RNF122: variants seen among roughly 807,000 people sequenced by gnomAD.
The protein encoded by RNF122 is ring finger protein 122.
Under a neutral mutation model 24.2 loss-of-function variants are expected in RNF122, and 17 were observed. The observed-to-expected ratio is 0.70, with a 90% confidence interval of 0.48 to 1.06. The LOEUF (loss-of-function observed/expected upper bound fraction) is 1.06. RNF122 is among the 50% of genes least tolerant of loss of function. The pLI, the probability that RNF122 is intolerant of heterozygous loss-of-function variation, is 0.00. For missense variants in RNF122, 168 were observed against 198.1 expected (o/e 0.85, Z 0.91); for synonymous variants, 65 against 71.8 (o/e 0.91, Z 0.48).
chr8:33,548,574 T>TG lies in RNF122; in HGVS notation c.*178dup. On this transcript the variant is annotated 3_prime_UTR_variant, in exon 6 of 6. Coordinates refer to ENST00000256257, the MANE Select transcript of RNF122 (RefSeq NM_024787.3). ...GAAGAAGGCTTCAGGAGGCAGGAAG[T>TG]GGGGGCACATCTGGCACTGGTCTTG... The TG allele has an allele frequency of 1.9e-6, 1 of 529,180 alleles. No homozygotes were observed. The highest frequency in any genetic ancestry group is 3.4e-6 in the Non-Finnish European group (1 of 292,310). The allele number at this position is 529,180 out of a possible 1,614,324, so 32.8% of individuals were successfully genotyped here. A position where few individuals can be genotyped will look rare whatever the true frequency, so the allele number is the denominator to read the frequency against.
intron 4 of RNF122, 97 bp downstream of exon 4, chr8:33,550,947 A>C: frequency 2.7e-6 from 3 of 1,124,886 alleles, no homozygotes; most frequent in Non-Finnish European, 4.1e-6. Context: ...GCATGGACTA[A>C]GCAGTTTTCT....
In RNF122 at chr8:33,566,391, G is replaced by A. The variant is rs146637865; in HGVS notation, c.25+308C>T. Among the ~76,000 whole-genome samples the A allele has an allele frequency of 4.6e-5, 7 of 152,300 alleles. No homozygotes were observed. The East Asian group carries it at 1.4e-3, about 29-fold the overall frequency. Reference sequence around the variant, plus strand: ...CCACAACAAAGAACAGAGTTTGAGCGCACAAAGGCAGGGGAAGGGGGTAGA... The same window carrying A: ...CCACAACAAAGAACAGAGTTTGAGCACACAAAGGCAGGGGAAGGGGGTAGA... On this transcript the variant is annotated intron_variant, in intron 1 of 5. Coordinates refer to ENST00000256257, the MANE Select transcript of RNF122 (RefSeq NM_024787.3).
At chr8:33,549,221 C>CAAAAAAAAAAAAAAAAAA (rs377477701) in intron 5 of RNF122, among the ~76,000 whole-genome samples, 189 bp downstream of exon 5, 1 of 141,782 alleles carries the variant, frequency 7.1e-6, no homozygotes, top group Admixed American at 6.9e-5. Context: ...AACTCCAACT[C>CAAAAAAAAAAAAAAAAAA]AAAAAAAAAA....
chr8:33,557,885 G>A lies in RNF122; in HGVS notation c.182+730C>T, dbSNP rs374835324. The stretch of plus-strand genomic sequence containing the variant: ...CGCCCGGGTGTGGTGACTCATGCCT[G>A]CAATCCTAGCATTTTGGGAAGCTGA... On this transcript the variant is annotated intron_variant, in intron 2 of 5. Coordinates refer to ENST00000256257, the MANE Select transcript of RNF122 (RefSeq NM_024787.3). 3.3e-5 allele frequency among the ~76,000 whole-genome samples: 5 copies of A among 152,142 alleles called. No homozygotes were observed. In the South Asian group the frequency reaches 1.0e-3, roughly 32 times the overall value.
At chr8:33,554,202 G>A (rs1249620705) in intron 2 of RNF122, among the ~76,000 whole-genome samples, 2 of 152,194 alleles carry the variant, frequency 1.3e-5, no homozygotes, top group Non-Finnish European at 2.9e-5. Context: ...GCGGCCTTGA[G>A]GGAGAAAGAC....
chr8:33,559,319 T>TA (rs11374981), intron 1 of RNF122, among the ~76,000 whole-genome samples: 90,008 of 147,002 alleles, frequency 0.61, 28,477 homozygotes, highest in African/African-American at 0.81. Flanking sequence ...TTTTAAAAAT[T>TA]AAAAAAAAAA....
In RNF122 at chr8:33,548,088, G is replaced by A. The variant is rs1433344061; in HGVS notation, c.*665C>T. 6.6e-6 allele frequency: 1 copy of A among 150,812 alleles called. No homozygotes were observed. Among genetic ancestry groups the A allele is most frequent in the Non-Finnish European group, 1.5e-5 (1 of 67,760 alleles). 9.3% of individuals were successfully genotyped at this position (150,812 alleles called of 1,614,324 possible). A position where few individuals can be genotyped will look rare whatever the true frequency, so the allele number is the denominator to read the frequency against. On this transcript the variant is annotated 3_prime_UTR_variant, in exon 6 of 6. Transcript: ENST00000256257. ...ACCTCAACATGGAATAGGAAGCTCC[G>A]AGATTAACTGAGGAAGAGACTGAAT...
chr8:33,566,788 G>C lies in RNF122; in HGVS notation c.-65C>G. On this transcript the variant is annotated 5_prime_UTR_variant, in exon 1 of 6. Transcript: ENST00000256257. ...AGGCGGGGTGCCAGGAGGGCGGGGT[G>C]GGAGCACTAGCGGCGTGAGGGGCCG... 1.3e-6 allele frequency: 2 copies of C among 1,564,064 alleles called. No individual in the cohort carries two copies. Among genetic ancestry groups the C allele is most frequent in the South Asian group, 2.3e-5 (2 of 85,582 alleles).
chr8:33,553,756 G>C (rs1013828399), intron 2 of RNF122, among the ~76,000 whole-genome samples: 3 of 152,152 alleles, frequency 2.0e-5, no homozygotes, highest in Non-Finnish European at 4.4e-5. Flanking sequence ...AGCCAGGCCC[G>C]TAGCACAGTG....
intron 2 of RNF122, 74 bp downstream of exon 2, chr8:33,558,541 C>T: frequency 7.5e-7 from 1 of 1,335,410 alleles, no homozygotes; most frequent in Non-Finnish European, 1.0e-6. Context: ...GGGACCCTCG[C>T]TCAGCTTACC....
In RNF122 at chr8:33,558,595, TCAGC is replaced by T. The variant is rs1354035050; in HGVS notation, c.182+16_182+19del. ...CCCTCCTGCTGGACTCCCACCCCGG[TCAGC>T]CAGGGATCCACGCACCTGATAAAAT... On this transcript the variant is annotated intron_variant, in intron 2 of 5. Coordinates refer to ENST00000256257, the MANE Select transcript of RNF122 (RefSeq NM_024787.3). The T allele has an allele frequency of 6.3e-7, 1 of 1,577,508 alleles. No individual in the cohort carries two copies. The highest frequency in any genetic ancestry group is 8.6e-7 in the Non-Finnish European group (1 of 1,157,670).
chr8:33,550,964 C>T (rs377135103), intron 4 of RNF122, 80 bp downstream of exon 4: 15 of 1,383,198 alleles, frequency 1.1e-5, no homozygotes, highest in African/African-American at 7.1e-5. Flanking sequence ...TTCTGAAAAG[C>T]GTCCAGGCAG....
chr8:33,555,193 T>G (rs896279391), intron 2 of RNF122, among the ~76,000 whole-genome samples: 4 of 151,614 alleles, frequency 2.6e-5, no homozygotes, highest in Admixed American at 6.6e-5. Context: ...TGTGTTTTTT[T>G]GGGTTTTTTT....
At chr8:33,554,675 G>A (rs1354204509) in intron 2 of RNF122, among the ~76,000 whole-genome samples, 2 of 152,242 alleles carry the variant, frequency 1.3e-5, no homozygotes, top group Non-Finnish European at 1.5e-5. Flanking sequence ...GGTGAACACA[G>A]CAACTAAAAA....
chr8:33,562,706 C>T lies in RNF122; in HGVS notation c.26-3935G>A, dbSNP rs551741426. Among the ~76,000 whole-genome samples, 4 of 152,164 alleles carry T rather than the reference C, an allele frequency of 2.6e-5. No individual in the cohort carries two copies. The South Asian group carries it at 8.3e-4, about 32-fold the overall frequency. On this transcript the variant is annotated intron_variant, in intron 1 of 5. Transcript: ENST00000256257. ...TGGGAGGCTGAGGTAGGCAGATCAC[C>T]TGAGGTCGGGAGTTCAAGACCAACC...
Position 33,561,550 on chromosome 8 carries a change from T to G in RNF122, c.26-2779A>C, listed in dbSNP as rs181061828. On this transcript the variant is annotated intron_variant, in intron 1 of 5. Transcript: ENST00000256257. ...ATCCTCCTAGTTGCCTTTTTTTTTTTAATTTTTTTTTAGACAGTCTTGCAT... is the reference window on the plus strand; with the variant it reads ...ATCCTCCTAGTTGCCTTTTTTTTTTGAATTTTTTTTTAGACAGTCTTGCAT... Among the ~76,000 whole-genome samples, 27 of 151,978 alleles carry G rather than the reference T, an allele frequency of 1.8e-4. No individual in the cohort carries two copies. The South Asian group carries it at 5.2e-3, about 29-fold the overall frequency.
At chr8:33,563,015 C>T (rs1432339672) in intron 1 of RNF122, among the ~76,000 whole-genome samples, 1 of 150,802 alleles carries the variant, frequency 6.6e-6, no homozygotes, top group African/African-American at 2.4e-5. Context: ...TGGTTGAACC[C>T]GGGAGGCAGA....
chr8:33,548,684 A>G lies in RNF122; in HGVS notation c.*69T>C, dbSNP rs775461036. 1.3e-5 allele frequency: 12 copies of G among 938,400 alleles called. No homozygotes were observed. The highest frequency in any genetic ancestry group is 1.7e-5 in the Admixed American group (1 of 58,068). 58.1% of individuals were successfully genotyped at this position (938,400 alleles called of 1,614,324 possible). ...ATCACCCTACAGTCCTGTTGGTTGG[A>G]GCTGTGCAGAGGGACCAGACATCCA... is the stretch of plus-strand genomic sequence containing the variant. On this transcript the variant is annotated 3_prime_UTR_variant, in exon 6 of 6. Transcript: ENST00000256257.
At chr8:33,549,221 C>CAAAAAAAAAAAAAA (rs377477701) in intron 5 of RNF122, among the ~76,000 whole-genome samples, 189 bp downstream of exon 5, 20 of 141,712 alleles carry the variant, frequency 1.4e-4, no homozygotes, top group African/African-American at 5.3e-4. Flanking sequence ...AACTCCAACT[C>CAAAAAAAAAAAAAA]AAAAAAAAAA....
Sources: gnomAD v4.1 joint callset for allele counts (sites outside exome capture counted in the v4.1 genomes callset) on GRCh38, gnomAD v4.1.1 for gene constraint, MANE v1.5 for transcripts, NCBI Gene and HGNC (gene_info 2026-07-23, HGNC 2026-07-21) for gene names.